SEC13: variants seen among roughly 807,000 people sequenced by gnomAD.
The protein encoded by SEC13 is SEC13 homolog, nuclear pore and COPII component.
A neutral mutation model predicts 49.2 loss-of-function variants in SEC13; 25 were observed. The observed-to-expected ratio is 0.51, with a 90% CI of 0.37 to 0.71. The LOEUF (loss-of-function observed/expected upper bound fraction) is 0.71, where lower values mean the gene tolerates loss of function less well. SEC13 is among the 30% of genes least tolerant of loss of function. SEC13 has a pLI of 0.00. For missense variants in SEC13, 383 were observed against 417.6 expected, an observed-to-expected ratio of 0.92 and a Z score of 0.72; for synonymous variants, 148 against 163.9, an observed-to-expected ratio of 0.90 and a Z score of 0.74.
chr3:10,302,396 G>GCA (rs1426013109), intron 8 of SEC13, among the ~76,000 whole-genome samples: 2 of 152,160 alleles, frequency 1.3e-5, no homozygotes, highest in Non-Finnish European at 2.9e-5. Context: ...AACATACTAA[G>GCA]TCCTTTAGGT....
chr3:10,317,248 G>T (rs1040298978), intron 2 of SEC13, among the ~76,000 whole-genome samples: 7 of 152,144 alleles, frequency 4.6e-5, no homozygotes, highest in Non-Finnish European at 7.3e-5. Context: ...AGGAGGTGTG[G>T]TCTTACAGCT....
Position 10,321,099 on chromosome 3 carries a change from C to T in SEC13, c.-47G>A. On this transcript the variant is annotated 5_prime_UTR_variant, in exon 1 of 9. Coordinates refer to ENST00000350697, the MANE Select transcript of SEC13 (RefSeq NM_183352.3). This position sits in a 1 kb window ranked among gnomAD's most constrained non-coding sequence, Gnocchi z 4.1. ...AGGTCTCGGACGTGGCAGCTCCCGG[C>T]GGCGCCTCGGAACAGCTCACTTCCG... is the stretch of plus-strand genomic sequence containing the variant. The T allele has an allele frequency of 6.2e-7, 1 of 1,611,924 alleles. No individual in the cohort carries two copies. Among genetic ancestry groups the T allele is most frequent in the Non-Finnish European group, 8.5e-7 (1 of 1,179,372 alleles).
At chr3:10,302,519 A>T (rs965308211) in intron 8 of SEC13, among the ~76,000 whole-genome samples, 1 of 152,208 alleles carries the variant, frequency 6.6e-6, no homozygotes, top group Admixed American at 6.5e-5. Context: ...ACTTGCTTAC[A>T]GCCTTGTAAA....
intron 8 of SEC13, among the ~76,000 whole-genome samples, chr3:10,303,141 T>C (rs1700647005): frequency 6.6e-6 from 1 of 152,152 alleles, no homozygotes; most frequent in South Asian, 2.1e-4. Flanking sequence ...GGTTGTGCCG[T>C]GAGCCACACA....
chr3:10,320,341 G>C (rs1224825237), intron 1 of SEC13, among the ~76,000 whole-genome samples: 1 of 152,172 alleles, frequency 6.6e-6, no homozygotes, highest in Non-Finnish European at 1.5e-5. Context: ...TCCAGGCTCA[G>C]CCCAGATACT....
rs796493292 is a variant in SEC13 at position 10,320,798 on chromosome 3, A to G, written c.3+252T>C. The G allele has an allele frequency of 2.0e-5, 27 of 1,323,330 alleles. 1 individual carries two copies. The South Asian group carries it at 5.8e-4, about 28-fold the overall frequency. The allele number at this position is 1,323,330 out of a possible 1,614,324, so 82.0% of individuals were successfully genotyped here. On this transcript the variant is annotated intron_variant, in intron 1 of 8. Coordinates refer to ENST00000350697, the MANE Select transcript of SEC13 (RefSeq NM_183352.3). Reference sequence around the variant, plus strand: ...TTTTGTTTTCAATTGTTGACCGAAAAGAAGGAAGGGAGACTGGCAGGAGAC... The same window carrying G: ...TTTTGTTTTCAATTGTTGACCGAAAGGAAGGAAGGGAGACTGGCAGGAGAC...
chr3:10,305,748 G>T, intron 5 of SEC13, 56 bp from the exon 6 acceptor site: 1 of 1,601,292 alleles, frequency 6.2e-7, no homozygotes. Context: ...TGCTTCTGCA[G>T]ACCCAAGCCT....
Position 10,304,047 on chromosome 3 carries a change from A to G in SEC13, c.834T>C (p.Ala278=). 6.2e-7 allele frequency: 1 copy of G among 1,614,208 alleles called. No individual in the cohort carries two copies. The highest frequency in any genetic ancestry group is 1.3e-5 in the African/African-American group (1 of 75,064). The change falls in exon 8 of 9, where the codon GCT becomes GCC. Residue 278 remains alanine (A), a synonymous_variant. Coordinates refer to ENST00000350697, the MANE Select transcript of SEC13 (RefSeq NM_183352.3). Reference sequence around the variant, plus strand: ...GTACCTTATTGTCTCCACCAGAGACAGCCAGGATGTTGGCTGTGATGGACC... The same window carrying G: ...GTACCTTATTGTCTCCACCAGAGACGGCCAGGATGTTGGCTGTGATGGACC... ...VSWSITANIL[A]VSGGDNKVTL... is the part of the protein sequence containing the mutation.
At chr3:10,315,992 G>C (rs1269529474) in intron 2 of SEC13, among the ~76,000 whole-genome samples, 1 of 152,200 alleles carries the variant, frequency 6.6e-6, no homozygotes, top group African/African-American at 2.4e-5. Context: ...ATCCTTTGTG[G>C]ACCTTTGTTT....
At chr3:10,311,372 A>ATCAT (rs1293921676) in intron 5 of SEC13, among the ~76,000 whole-genome samples, 2 of 152,214 alleles carry the variant, frequency 1.3e-5, no homozygotes, top group Admixed American at 1.3e-4. Flanking sequence ...ATATCCAATA[A>ATCAT]TCATACAGAT....
chr3:10,311,944 A>T, intron 5 of SEC13, 21 bp downstream of exon 5: 3 of 1,614,130 alleles, frequency 1.9e-6, no homozygotes, highest in Non-Finnish European at 2.5e-6. Context: ...TCACTGCACG[A>T]AAGGCAGGGG....
Position 10,301,191 on chromosome 3 carries a change from T to TTTG in SEC13, c.*69_*70insCAA. 1 of 1,613,932 alleles carries TTTG rather than the reference T, an allele frequency of 6.2e-7. No individual in the cohort carries two copies. ...TGGAGTTGGGGGCTCTTCCCAGTTG[T>TTTG]CTGGTTAGTTGGCCCAGGAAGGGGC... On this transcript the variant is annotated 3_prime_UTR_variant, in exon 9 of 9. Coordinates refer to ENST00000350697, the MANE Select transcript of SEC13 (RefSeq NM_183352.3).
At chr3:10,320,518 C>T (rs988488168) in intron 1 of SEC13, 1 of 985,620 alleles carries the variant, frequency 1.0e-6, no homozygotes, top group African/African-American at 1.7e-5. Context: ...CCTGGGGGCC[C>T]TACCCCGAGC....
In SEC13 at chr3:10,304,101, C is replaced by T. The variant is rs373755577; in HGVS notation, c.780G>A (p.Lys260=). The change falls in exon 8 of 9, where the codon AAG becomes AAA. Residue 260 remains lysine (K), a synonymous_variant. Coordinates refer to ENST00000350697, the MANE Select transcript of SEC13 (RefSeq NM_183352.3). ...TCACATGCCACACCACATCGTTGAA[C>T]TTGTGCAACAATTTAGGGGACCACG... The part of the protein sequence containing the change: ...SNTWSPKLLH[K]FNDVVWHVSW... 3 of 1,614,204 alleles carry T rather than the reference C, an allele frequency of 1.9e-6. No individual in the cohort carries two copies. In the South Asian group the frequency reaches 3.3e-5, roughly 18 times the overall value.
At chr3:10,318,176 TTCAC>T (rs1163986424) in intron 1 of SEC13, 82 bp from the exon 2 acceptor site, 14 of 911,440 alleles carry the variant, frequency 1.5e-5, no homozygotes, top group African/African-American at 4.9e-5. Flanking sequence ...CATTTGTTTG[TTCAC>T]TCACTCATTC....
chr3:10,307,601 C>T (rs1231304621), intron 5 of SEC13, among the ~76,000 whole-genome samples: 1 of 152,088 alleles, frequency 6.6e-6, no homozygotes, highest in African/African-American at 2.4e-5. Flanking sequence ...GGTGAACTCC[C>T]CTTCATAAAA....
rs902743163 is a variant in SEC13 at position 10,305,599 on chromosome 3, A to C, written c.544T>G (p.Phe182Val). ...SGQKPNYIKRFASGGCDNLIK... is the reference protein window; with the variant it reads ...SGQKPNYIKRVASGGCDNLIK... ...AGGTTGTCACAGCCACCTGATGCAA[A>C]CCTCTTGATGTAATTGGGTTTCTGC... is the stretch of plus-strand genomic sequence containing the variant. Residue 182 changes from phenylalanine (F) to valine (V), a missense_variant, in exon 6 of 9, where the codon TTT becomes GTT. Transcript: ENST00000350697. 1.9e-6 allele frequency: 3 copies of C among 1,613,946 alleles called. No homozygotes were observed. In the African/African-American group the frequency reaches 4.0e-5, roughly 22 times the overall value.
At chr3:10,305,808 G>T in intron 5 of SEC13, 116 bp from the exon 6 acceptor site, 2 of 1,108,426 alleles carry the variant, frequency 1.8e-6, no homozygotes, top group Non-Finnish European at 1.3e-6. Context: ...TGTGAAGGCT[G>T]ACATGAAGCA....
chr3:10,301,832 G>A (rs960796602), intron 8 of SEC13, among the ~76,000 whole-genome samples: 3 of 152,186 alleles, frequency 2.0e-5, no homozygotes, highest in Non-Finnish European at 4.4e-5. Flanking sequence ...AACTACTGTG[G>A]TAGAGGAAGG....
Sources: allele counts gnomAD v4.1 joint callset (sites outside exome capture counted in the v4.1 genomes callset), GRCh38; gene constraint gnomAD v4.1.1; non-coding constraint Gnocchi (gnomAD v3.1); transcripts MANE v1.5; gene names NCBI Gene and HGNC (gene_info 2026-07-23, HGNC 2026-07-21).